The following CHD2 variants were observed in gnomAD, a reference collection of about 807,000 sequenced individuals.
The protein encoded by CHD2 is chromodomain helicase DNA binding protein 2.
In CHD2, 28 loss-of-function variants were observed where a neutral mutation model predicts 243.9. The observed-to-expected ratio is 0.11, with a 90% confidence interval of 0.09 to 0.16. The LOEUF (loss-of-function observed/expected upper bound fraction) is 0.16. Among genes scored for constraint, CHD2 ranks in the 10% least tolerant of loss-of-function variants. CHD2 has a pLI of 1.00. For missense variants in CHD2, 1,386 were observed against 2,209.8 expected (o/e 0.63, Z 7.47); for synonymous variants, 775 against 779.0 (o/e 0.99, Z 0.09).
Position 92,924,235 on chromosome 15 carries a change from A to G in CHD2, c.63-86A>G, listed in dbSNP as rs544204390. Reference sequence around the variant, plus strand: ...TATATTACTAAAATTACTATCTGCAAATGTTTTACCATGAGAATTTTTTTT... The same window carrying G: ...TATATTACTAAAATTACTATCTGCAGATGTTTTACCATGAGAATTTTTTTT... On this transcript the variant is annotated intron_variant, in intron 2 of 38. Transcript: ENST00000394196. 3.1e-4 allele frequency: 363 copies of G among 1,172,532 alleles called. No individual in the cohort carries two copies. Among genetic ancestry groups the G allele is most frequent in the Non-Finnish European group, 4.0e-4 (325 of 820,318 alleles). 72.6% of individuals were successfully genotyped at this position (1,172,532 alleles called of 1,614,324 possible).
At chr15:92,915,978 A>C (rs1018688291) in intron 2 of CHD2, among the ~76,000 whole-genome samples, 1 of 151,596 alleles carries the variant, frequency 6.6e-6, no homozygotes, top group African/African-American at 2.4e-5. Flanking sequence ...TTGTTTTGCT[A>C]AGCCAGACTG....
intron 4 of CHD2, 47 bp downstream of exon 4, chr15:92,927,377 A>G (rs1207153784): frequency 7.4e-7 from 1 of 1,357,416 alleles, no homozygotes. Flanking sequence ...TCCCTATCTT[A>G]CTTCATTCTT....
chr15:93,019,954 T>C lies in CHD2; in HGVS notation c.4907-58T>C, dbSNP rs1305631122. On this transcript the variant is annotated intron_variant, in intron 37 of 38. Coordinates refer to ENST00000394196, the MANE Select transcript of CHD2 (RefSeq NM_001271.4). ...ATCTCCAAAAAAAAAAAAATTGTAGTGAAAGTGAAATTCATCCATTTCTTG... is the reference window on the plus strand; with the variant it reads ...ATCTCCAAAAAAAAAAAAATTGTAGCGAAAGTGAAATTCATCCATTTCTTG... The C allele has an allele frequency of 3.9e-6, 6 of 1,545,306 alleles. No homozygotes were observed. The East Asian group carries it at 1.4e-4, about 35-fold the overall frequency.
At chr15:93,006,246 C>A (rs2054320485) in intron 34 of CHD2, among the ~76,000 whole-genome samples, 1 of 151,636 alleles carries the variant, frequency 6.6e-6, no homozygotes, top group Non-Finnish European at 1.5e-5. Flanking sequence ...CCTGCCTCAG[C>A]CTCCTGAGTA....
At chr15:92,956,318 C>T in intron 15 of CHD2, 141 bp from the exon 16 acceptor site, 1 of 630,234 alleles carries the variant, frequency 1.6e-6, no homozygotes, top group Non-Finnish European at 2.7e-6. Flanking sequence ...ACAGAAGAGG[C>T]CTAATATATA....
intron 28 of CHD2, among the ~76,000 whole-genome samples, chr15:92,996,074 A>G (rs549468433): frequency 7.6e-4 from 115 of 151,822 alleles, no homozygotes; most frequent in African/African-American, 2.7e-3. Flanking sequence ...GCATTATCTC[A>G]TGGATTTCAA....
chr15:92,912,633 A>G (rs1261136149), intron 2 of CHD2, among the ~76,000 whole-genome samples: 1 of 152,226 alleles, frequency 6.6e-6, no homozygotes, highest in African/African-American at 2.4e-5. Context: ...TCCTGGGTTC[A>G]AGTGATTCTC....
chr15:92,942,013 T>C lies in CHD2; in HGVS notation c.826+58T>C, dbSNP rs995665724. ...TGTATGCTTAGTAAGACTTAGATTT[T>C]AGGTATTTTAACTCTAATGTGATGA... On this transcript the variant is annotated intron_variant, in intron 8 of 38. Coordinates refer to ENST00000394196, the MANE Select transcript of CHD2 (RefSeq NM_001271.4). The C allele has an allele frequency of 3.9e-6, 6 of 1,524,062 alleles. No individual in the cohort carries two copies. The African/African-American group carries it at 4.2e-5, about 11-fold the overall frequency. 94.4% of individuals were successfully genotyped at this position (1,524,062 alleles called of 1,614,324 possible).
chr15:93,001,822 A>C (rs972984697), intron 32 of CHD2, among the ~76,000 whole-genome samples: 1 of 152,190 alleles, frequency 6.6e-6, no homozygotes, highest in Non-Finnish European at 1.5e-5. Context: ...TGGCCAATAC[A>C]TACGTACATT....
intron 20 of CHD2, among the ~76,000 whole-genome samples, chr15:92,977,277 C>A (rs2053922653): frequency 6.6e-6 from 1 of 152,196 alleles, no homozygotes; most frequent in Non-Finnish European, 1.5e-5. Context: ...AATTAAAATT[C>A]TTGTGAAGCA....
chr15:92,986,743 A>C (rs971114249), intron 26 of CHD2, among the ~76,000 whole-genome samples: 1 of 152,122 alleles, frequency 6.6e-6, no homozygotes, highest in African/African-American at 2.4e-5. Flanking sequence ...ATTTTGGTAG[A>C]GTCAGAATCT....
chr15:93,015,005 C>CT, intron 37 of CHD2, 96 bp downstream of exon 37: 2 of 911,346 alleles, frequency 2.2e-6, no homozygotes, highest in Non-Finnish European at 1.8e-6. Flanking sequence ...GACTTCTGTG[C>CT]TTTATTATCT....
chr15:93,006,600 G>A (rs2054325310), intron 34 of CHD2, among the ~76,000 whole-genome samples: 1 of 152,166 alleles, frequency 6.6e-6, no homozygotes, highest in South Asian at 2.1e-4. Flanking sequence ...CTCCTGTGAG[G>A]TACGTTAGTG....
chr15:92,998,767 A>T lies in CHD2; in HGVS notation c.4008+146A>T. The T allele has an allele frequency of 1.9e-6, 2 of 1,045,592 alleles. No individual in the cohort carries two copies. The highest frequency in any genetic ancestry group is 2.8e-6 in the Non-Finnish European group (2 of 724,644). 64.8% of individuals were successfully genotyped at this position (1,045,592 alleles called of 1,614,324 possible). Reference sequence around the variant, plus strand: ...TTTTGTTTTTGAGGTTCCAGTAATGATGCTTTGCTTGGTAATAATAGAAAT... The same window carrying T: ...TTTTGTTTTTGAGGTTCCAGTAATGTTGCTTTGCTTGGTAATAATAGAAAT... On this transcript the variant is annotated intron_variant, in intron 31 of 38. Transcript: ENST00000394196. This position sits in a 1 kb window ranked among gnomAD's most constrained non-coding sequence, Gnocchi z 5.1.
In CHD2 at chr15:92,953,489, C is replaced by T. The variant is rs752473207; in HGVS notation, c.1635C>T (p.Leu545=). The T allele has an allele frequency of 1.2e-6, 2 of 1,614,210 alleles. No homozygotes were observed. The highest frequency in any genetic ancestry group is 1.7e-6 in the Non-Finnish European group (2 of 1,180,034). The change falls in exon 14 of 39, where the codon CTC becomes CTT. Residue 545 remains leucine (L), a synonymous_variant. Transcript: ENST00000394196. ...PFLIVVPLST[L]TSWQREFEIW... is the part of the protein sequence containing the mutation. The stretch of plus-strand genomic sequence containing the variant: ...TTATAGTCGTCCCTTTATCCACCCT[C>T]ACCTCATGGCAGAGAGAGTTTGAAA...
chr15:93,011,610 A>G (rs1347366534), intron 35 of CHD2, among the ~76,000 whole-genome samples: 1 of 152,196 alleles, frequency 6.6e-6, no homozygotes, highest in African/African-American at 2.4e-5. Flanking sequence ...AGCCATGGTG[A>G]AACTACCTGT....
intron 16 of CHD2, among the ~76,000 whole-genome samples, chr15:92,957,909 A>G (rs1402109688): frequency 6.6e-6 from 1 of 152,134 alleles, no homozygotes; most frequent in Non-Finnish European, 1.5e-5. Context: ...TATAAGTGGA[A>G]TCCTAATATG....
At chr15:92,928,494 C>G (rs893007933) in intron 4 of CHD2, among the ~76,000 whole-genome samples, 1 of 113,372 alleles carries the variant, frequency 8.8e-6, no homozygotes, top group Non-Finnish European at 2.0e-5. Context: ...AGTGAACATA[C>G]TCTTAAATGA....
At chr15:92,984,024 A>G (rs1305167856) in intron 24 of CHD2, among the ~76,000 whole-genome samples, 1 of 152,196 alleles carries the variant, frequency 6.6e-6, no homozygotes, top group Non-Finnish European at 1.5e-5. Context: ...TTAGTATTAT[A>G]TTTATTAGAA....
Sources: gnomAD v4.1 joint callset for allele counts (sites outside exome capture counted in the v4.1 genomes callset) on GRCh38, gnomAD v4.1.1 for gene constraint, Gnocchi (gnomAD v3.1) non-coding constraint, MANE v1.5 for transcripts, NCBI Gene and HGNC (gene_info 2026-07-23, HGNC 2026-07-21) for gene names.